SCAP: variants seen among roughly 807,000 people sequenced by gnomAD.
SCAP encodes the protein SREBF chaperone, also known as sterol regulatory element-binding protein cleavage-activating protein.
SCAP carries 65 observed loss-of-function variants against 123.6 expected under a neutral mutation model. The ratio of observed to expected loss-of-function variants is 0.53; its 90% CI spans 0.43 to 0.65. The LOEUF (loss-of-function observed/expected upper bound fraction) is 0.65, where lower values mean the gene tolerates loss of function less well. SCAP is among the 30% of genes least tolerant of loss of function. The pLI is 0.00. For missense variants in SCAP, 1,398 were observed against 1,712.5 expected (o/e 0.82, Z 3.24); for synonymous variants, 740 against 726.3 (o/e 1.02, Z -0.30).
intron 2 of SCAP, among the ~76,000 whole-genome samples, chr3:47,441,034 G>A (rs1159103338): frequency 2.0e-5 from 3 of 151,730 alleles, no homozygotes; most frequent in Admixed American, 1.3e-4. Flanking sequence ...CCCGAGTGGC[G>A]GGGACTACAG....
Position 47,420,104 on chromosome 3 carries a change from C to T in SCAP, c.1564-400G>A, listed in dbSNP as rs1173612813. Among the ~76,000 whole-genome samples, 2 of 152,200 alleles carry T rather than the reference C, an allele frequency of 1.3e-5. No individual in the cohort carries two copies. The highest frequency in any genetic ancestry group is 2.9e-5 in the Non-Finnish European group (2 of 68,028). On this transcript the variant is annotated intron_variant, in intron 12 of 22. Transcript: ENST00000265565. The surrounding 1 kb of genome is among the most constrained non-coding windows in gnomAD (Gnocchi z 5.0). ...GGTCCTAGTCCCAGGGGGCCTCAGC[C>T]TTCCTCCCATCTCAGTTCAGCTCCC...
At chr3:47,473,944 C>G (rs1708166953) in intron 1 of SCAP, among the ~76,000 whole-genome samples, 1 of 152,114 alleles carries the variant, frequency 6.6e-6, no homozygotes, top group African/African-American at 2.4e-5. Context: ...AGAGAGGGGG[C>G]GTTTTTGCCG....
rs3077503 is a variant in SCAP at position 47,416,615 on chromosome 3, C to CTT, written c.3056+505_3056+506dup. ...TTCCAAGCACGTCACACCCCTAACG[C>CTT]TTTTTTTTTTTTTTTTTTTTTTTTT... On this transcript the variant is annotated intron_variant, in intron 18 of 22. Coordinates refer to ENST00000265565, the MANE Select transcript of SCAP (RefSeq NM_012235.4). Among the ~76,000 whole-genome samples, 43 of 70,220 alleles carry CTT rather than the reference C, an allele frequency of 6.1e-4. 2 individuals carry two copies. The highest frequency in any genetic ancestry group is 2.2e-3 in the African/African-American group (36 of 16,404). 46.1% of individuals were successfully genotyped at this position (70,220 alleles called of 152,430 possible). A position where few individuals can be genotyped will look rare whatever the true frequency, so the allele number is the denominator to read the frequency against.
chr3:47,421,710 T>C (rs1576258385), intron 10 of SCAP, among the ~76,000 whole-genome samples: 1 of 152,244 alleles, frequency 6.6e-6, no homozygotes, highest in East Asian at 1.9e-4. Context: ...ACTACTGTTT[T>C]TCCAGGAGAA....
intron 1 of SCAP, among the ~76,000 whole-genome samples, chr3:47,473,098 A>AAAAAAAAAG (rs1708129277): frequency 6.8e-6 from 1 of 147,648 alleles, no homozygotes; most frequent in African/African-American, 2.5e-5. Context: ...AAAAAAAAAA[A>AAAAAAAAAG]ACAGACTGTG....
chr3:47,427,479 G>A lies in SCAP; in HGVS notation c.599C>T (p.Pro200Leu), dbSNP rs1422571620. The change falls in exon 5 of 23, where the codon CCT becomes CTT. Residue 200 changes from proline (P) to leucine (L), a missense_variant. Around this residue, in one of 7 missense-constraint regions of SCAP, gnomAD observed 319 missense variants for 432.4 expected, o/e 0.74. Coordinates refer to ENST00000265565, the MANE Select transcript of SCAP (RefSeq NM_012235.4). Reference protein sequence around the residue: ...DIIGTIHQHEPKTLQTSATLK... With the variant: ...DIIGTIHQHELKTLQTSATLK... The stretch of plus-strand genomic sequence containing the variant: ...TGTGGCTGAAGTCTGCAGGGTTTTA[G>A]GCTCGTGCTGGTGGATGGTCCCAAT... The A allele has an allele frequency of 6.2e-7, 1 of 1,614,208 alleles. No individual in the cohort carries two copies. The highest frequency in any genetic ancestry group is 1.7e-5 in the Admixed American group (1 of 60,024).
chr3:47,441,526 C>A (rs150498643), intron 2 of SCAP, among the ~76,000 whole-genome samples: 1 of 151,738 alleles, frequency 6.6e-6, no homozygotes, highest in South Asian at 2.1e-4. Flanking sequence ...GAAAAAAAAA[C>A]CCAAGAGCTG....
chr3:47,427,328 C>CT, intron 5 of SCAP, 66 bp from the exon 6 acceptor site: 2 of 1,540,994 alleles, frequency 1.3e-6, no homozygotes, highest in South Asian at 2.2e-5. Context: ...CCAAGGACCC[C>CT]TTTCTCACCC....
intron 1 of SCAP, among the ~76,000 whole-genome samples, chr3:47,464,845 G>A (rs1234935359): frequency 6.6e-6 from 1 of 152,150 alleles, no homozygotes; most frequent in African/African-American, 2.4e-5. Flanking sequence ...TCCGTTCCTA[G>A]ATGACATGAT....
intron 1 of SCAP, among the ~76,000 whole-genome samples, chr3:47,466,496 A>T (rs1188437185): frequency 6.6e-6 from 1 of 152,194 alleles, no homozygotes; most frequent in African/African-American, 2.4e-5. Flanking sequence ...ATAAACTCTC[A>T]CAAATATAAT....
At chr3:47,435,813 C>T (rs1706557356) in intron 2 of SCAP, among the ~76,000 whole-genome samples, 1 of 152,050 alleles carries the variant, frequency 6.6e-6, no homozygotes, top group South Asian at 2.1e-4. Flanking sequence ...CTTTGGGAGG[C>T]CCAGGCTGGA....
At chr3:47,436,100 A>C (rs1014688817) in intron 2 of SCAP, among the ~76,000 whole-genome samples, 1 of 151,608 alleles carries the variant, frequency 6.6e-6, no homozygotes, top group Non-Finnish European at 1.5e-5. Flanking sequence ...AAAAACAAAC[A>C]AAAAAAAATC....
Position 47,423,918 on chromosome 3 carries a change from C to CT in SCAP, c.1150+14dup. The CT allele has an allele frequency of 6.3e-7, 1 of 1,592,148 alleles. No homozygotes were observed. The highest frequency in any genetic ancestry group is 8.6e-7 in the Non-Finnish European group (1 of 1,160,082). On this transcript the variant is annotated intron_variant, in intron 9 of 22. Transcript: ENST00000265565. ...CCCTCCTGCAGCCCTCTGCCCAACTCTCCCACTGCGTTACCTTGGGCGATC... is the reference window on the plus strand; with the variant it reads ...CCCTCCTGCAGCCCTCTGCCCAACTCTTCCCACTGCGTTACCTTGGGCGATC...
rs770437500 is a variant in SCAP, at chr3:47,415,044, G to A, written c.3140-51C>T. Reference sequence around the variant, plus strand: ...ATCTCTGAGAAAGCAATGGGTAGACGGCCCCTGCCCGTCCCACCAAGTGTG... The same window carrying A: ...ATCTCTGAGAAAGCAATGGGTAGACAGCCCCTGCCCGTCCCACCAAGTGTG... On this transcript the variant is annotated intron_variant, in intron 19 of 22. Transcript: ENST00000265565. 1.6e-5 allele frequency: 26 copies of A among 1,579,732 alleles called. 1 individual carries two copies. Among genetic ancestry groups the A allele is most frequent in the South Asian group, 8.1e-5 (7 of 86,274 alleles).
At position 47,414,088 on chromosome 3, in the gene SCAP, ACAGCC is replaced by A. The variant is rs1307234668; in HGVS notation, c.3601_3605del (p.Gly1201TrpfsTer41). 6.2e-7 allele frequency: 1 copy of A among 1,613,366 alleles called. No homozygotes were observed. The highest frequency in any genetic ancestry group is 8.5e-7 in the Non-Finnish European group (1 of 1,180,014). ...CTGAGATGACACCCAAGCTTGCACC[ACAGCC>A]CAGGTCCTGGAGGCAAGGACATGAC... On this transcript the variant is annotated frameshift_variant, in exon 23 of 23. Transcript: ENST00000265565. LOFTEE classifies it high-confidence loss of function.
Position 47,417,571 on chromosome 3 carries a change from A to G in SCAP, c.2703T>C (p.Cys901=), listed in dbSNP as rs947199868. The change falls in exon 17 of 23, where the codon TGT becomes TGC. Residue 901 remains cysteine, a synonymous_variant. Coordinates refer to ENST00000265565, the MANE Select transcript of SCAP (RefSeq NM_012235.4). The part of the protein sequence containing the change: ...TQPEPRHRAV[C]GRSRDSPGYD... ...AGCCTGGGGAGTCCCGAGAGCGGCC[A>G]CAGACCGCCCGGTGCCGGGGCTCGG... The G allele has an allele frequency of 1.3e-6, 2 of 1,589,296 alleles. No homozygotes were observed. The highest frequency in any genetic ancestry group is 2.7e-5 in the African/African-American group (2 of 74,672).
At chr3:47,455,094 T>TATAA (rs1311648875) in intron 1 of SCAP, among the ~76,000 whole-genome samples, 6 of 87,398 alleles carry the variant, frequency 6.9e-5, no homozygotes, top group Admixed American at 4.1e-4. Context: ...TATATATATA[T>TATAA]AATCAACTGA....
upstream of SCAP, chr3:47,476,804 G>A (rs1708282246): frequency 1.3e-5 from 2 of 153,760 alleles, no homozygotes; most frequent in Non-Finnish European, 2.9e-5. Context: ...AACTAGAGAC[G>A]CTGCCCGGAC....
At chr3:47,435,469 TACACACACACACACACAC>T (rs57702290) in intron 2 of SCAP, among the ~76,000 whole-genome samples, 37 of 91,910 alleles carry the variant, frequency 4.0e-4, no homozygotes, top group Non-Finnish European at 6.7e-4. Flanking sequence ...AATATAAACA[TACACACACACACACACAC>T]ACACACACAC....
Sources: allele counts gnomAD v4.1 joint callset (sites outside exome capture counted in the v4.1 genomes callset), GRCh38; gene constraint gnomAD v4.1.1; regional missense constraint gnomAD v4.1.1; non-coding constraint Gnocchi (gnomAD v3.1); transcripts MANE v1.5; gene names NCBI Gene and HGNC (gene_info 2026-07-23, HGNC 2026-07-21).